RAB28: variants seen among roughly 807,000 people sequenced by gnomAD.
The protein encoded by RAB28 is ras-related protein Rab-28.
Under a neutral mutation model 31.7 loss-of-function variants are expected in RAB28, and 24 were observed. The ratio of observed to expected loss-of-function variants is 0.76; its 90% CI spans 0.55 to 1.06. The LOEUF is 1.06. Ranked by LOEUF, RAB28 falls within the 50% of genes least tolerant of loss-of-function variation. RAB28 has a pLI of 0.00. For missense variants in RAB28, 254 were observed against 258.5 expected (o/e 0.98, Z 0.12); for synonymous variants, 100 against 90.4 (o/e 1.11, Z -0.60).
intron 4 of RAB28, among the ~76,000 whole-genome samples, chr4:13,409,282 A>C (rs1343173341): frequency 6.6e-6 from 1 of 152,242 alleles, no homozygotes; most frequent in East Asian, 1.9e-4. Flanking sequence ...GTTACTGAAA[A>C]AGGTGCTCAA....
chr4:13,406,752 G>A (rs1712115113), intron 4 of RAB28, among the ~76,000 whole-genome samples: 1 of 152,204 alleles, frequency 6.6e-6, no homozygotes, highest in African/African-American at 2.4e-5. Flanking sequence ...CTAATGACCA[G>A]TGATGAAGAG....
intron 4 of RAB28, among the ~76,000 whole-genome samples, chr4:13,386,751 T>A (rs1242420125): frequency 6.6e-6 from 1 of 152,152 alleles, no homozygotes; most frequent in African/African-American, 2.4e-5. Flanking sequence ...ACTGGGTATA[T>A]ACCCAAAGGA....
Position 13,368,781 on chromosome 4 carries a change from A to G in RAB28, c.574-131T>C, listed in dbSNP as rs575704392. ...GACACCATAAATGAAGCAGGAGTTG[A>G]TATTAAAAGAATAAGCCAGACAAAC... is the stretch of plus-strand genomic sequence containing the variant. On this transcript the variant is annotated intron_variant, in intron 6 of 6. Transcript: ENST00000330852. 97 of 699,432 alleles carry G rather than the reference A, an allele frequency of 1.4e-4. No homozygotes were observed. The African/African-American group carries it at 1.7e-3, about 12-fold the overall frequency. The allele number at this position is 699,432 out of a possible 1,614,324, so 43.3% of individuals were successfully genotyped here.
At chr4:13,378,540 A>G (rs1199750789) in intron 5 of RAB28, among the ~76,000 whole-genome samples, 3 of 152,228 alleles carry the variant, frequency 2.0e-5, no homozygotes, top group African/African-American at 4.8e-5. Flanking sequence ...TGTGGCATCA[A>G]GAGTTTTCTT....
At chr4:13,483,496 T>C (rs550318721) in intron 1 of RAB28, among the ~76,000 whole-genome samples, 1 of 152,378 alleles carries the variant, frequency 6.6e-6, no homozygotes, top group Admixed American at 6.5e-5. Context: ...AAAGGTTTTA[T>C]GTGTATTTTC....
chr4:13,397,484 T>C (rs6832003), intron 4 of RAB28, among the ~76,000 whole-genome samples: 1,708 of 152,186 alleles, frequency 0.011, 29 homozygotes, highest in African/African-American at 0.039. Context: ...AGAACATATA[T>C]AAAAGTTTCC....
rs144801859 is a variant in RAB28, at chr4:13,395,448, T to G, written c.392-13854A>C. 2.1e-3 allele frequency among the ~76,000 whole-genome samples: 315 copies of G among 152,244 alleles called. 1 individual carries two copies. The highest frequency in any genetic ancestry group is 7.1e-3 in the African/African-American group (295 of 41,576). ...CAAGCAAAATTCCCTTAATAATTTA[T>G]TAAATTTGATTCACATGTGGTTAAA... On this transcript the variant is annotated intron_variant, in intron 4 of 6. Coordinates refer to ENST00000330852, the MANE Select transcript of RAB28 (RefSeq NM_001017979.3).
chr4:13,407,473 T>C (rs887195590), intron 4 of RAB28, among the ~76,000 whole-genome samples: 5 of 151,328 alleles, frequency 3.3e-5, no homozygotes, highest in South Asian at 2.1e-4. Context: ...TTGCTTCGGA[T>C]TGTCTTGCCT....
chr4:13,394,935 C>T (rs1729806896), intron 4 of RAB28, among the ~76,000 whole-genome samples: 1 of 152,094 alleles, frequency 6.6e-6, no homozygotes, highest in South Asian at 2.1e-4. Context: ...ACAACCTTGG[C>T]GAATAGGTAA....
rs370834294 is a variant in RAB28 at position 13,473,211 on chromosome 4, T to C, written c.261+1107A>G. 5.3e-5 allele frequency among the ~76,000 whole-genome samples: 8 copies of C among 152,120 alleles called. No individual in the cohort carries two copies. The East Asian group carries it at 7.7e-4, about 15-fold the overall frequency. On this transcript the variant is annotated intron_variant, in intron 3 of 6. Transcript: ENST00000330852. ...TTGTACAGCAGAGTGCTTAATATACTATATCTCCATCCTATAGAATCATTT... is the reference window on the plus strand; with the variant it reads ...TTGTACAGCAGAGTGCTTAATATACCATATCTCCATCCTATAGAATCATTT...
intron 4 of RAB28, among the ~76,000 whole-genome samples, chr4:13,395,386 A>G (rs184417281): frequency 6.6e-6 from 1 of 152,198 alleles, no homozygotes; most frequent in East Asian, 1.9e-4. Context: ...GAAATTACAT[A>G]AAGTTTAAAA....
At chr4:13,416,048 GA>G (rs1215783184) in intron 4 of RAB28, among the ~76,000 whole-genome samples, 2 of 152,152 alleles carry the variant, frequency 1.3e-5, no homozygotes, top group Non-Finnish European at 2.9e-5. Flanking sequence ...CTAGCTCAGG[GA>G]TTGTAAACAC....
intron 4 of RAB28, among the ~76,000 whole-genome samples, chr4:13,416,176 C>A (rs920924915): frequency 3.9e-5 from 6 of 152,152 alleles, no homozygotes; most frequent in Admixed American, 3.9e-4. Context: ...GCAGTAGCAA[C>A]CTGCTCAGGT....
chr4:13,406,466 G>A (rs963725697), intron 4 of RAB28, among the ~76,000 whole-genome samples: 3 of 152,194 alleles, frequency 2.0e-5, no homozygotes, highest in African/African-American at 7.2e-5. Context: ...AAACATAGGT[G>A]TGTATGTGTC....
intron 4 of RAB28, among the ~76,000 whole-genome samples, chr4:13,398,582 T>C (rs1220808992): frequency 6.6e-6 from 1 of 151,894 alleles, no homozygotes; most frequent in African/African-American, 2.4e-5. Context: ...ATAGAGACCA[T>C]CCTGGCTAAC....
chr4:13,381,443 A>G (rs748459516), intron 5 of RAB28, 48 bp downstream of exon 5: 9 of 1,323,750 alleles, frequency 6.8e-6, no homozygotes, highest in Non-Finnish European at 5.4e-6. Context: ...TAGGAATGTT[A>G]GTAAATAAAA....
At chr4:13,474,723 T>A (rs1352475523) in intron 2 of RAB28, among the ~76,000 whole-genome samples, 1 of 151,626 alleles carries the variant, frequency 6.6e-6, no homozygotes, top group African/African-American at 2.4e-5. Context: ...GAGAACAGAA[T>A]GAAGCACATG....
intron 4 of RAB28, among the ~76,000 whole-genome samples, chr4:13,397,291 C>T (rs1409639254): frequency 6.6e-6 from 1 of 152,004 alleles, no homozygotes; most frequent in Non-Finnish European, 1.5e-5. Flanking sequence ...GACACATACA[C>T]ATATTATGAA....
intron 4 of RAB28, among the ~76,000 whole-genome samples, chr4:13,434,114 G>A (rs1713964714): frequency 6.6e-6 from 1 of 152,076 alleles, no homozygotes; most frequent in Admixed American, 6.6e-5. Flanking sequence ...CAAAGACTGG[G>A]TACACATGGA....
Sources: gnomAD v4.1 joint callset for allele counts (sites outside exome capture counted in the v4.1 genomes callset) on GRCh38, gnomAD v4.1.1 for gene constraint, MANE v1.5 for transcripts, NCBI Gene and HGNC (gene_info 2026-07-23, HGNC 2026-07-21) for gene names.